Variants in ADAMTS17 observed in about 807,000 individuals in gnomAD.
ADAMTS17 encodes the protein ADAM metallopeptidase with thrombospondin type 1 motif 17.
A neutral mutation model predicts 141.5 loss-of-function variants in ADAMTS17; 113 were observed. The ratio of observed to expected loss-of-function variants is 0.80; its 90% CI spans 0.69 to 0.93. The LOEUF is 0.93. ADAMTS17 is among the 40% of genes least tolerant of loss of function. ADAMTS17 has a pLI of 0.00. For synonymous variants in ADAMTS17, 768 were observed against 630.6 expected, an observed-to-expected ratio of 1.22 and a Z score of -3.27; for missense variants, 1,659 against 1,517.9, an observed-to-expected ratio of 1.09 and a Z score of -1.54.
intron 8 of ADAMTS17, among the ~76,000 whole-genome samples, chr15:100,195,011 C>A (rs563432639): frequency 2.0e-5 from 3 of 152,388 alleles, no homozygotes; most frequent in Admixed American, 2.0e-4. Flanking sequence ...TGGAAAGGGA[C>A]ACAGCTGCCT....
At chr15:100,323,592 A>G (rs1025266170) in intron 3 of ADAMTS17, among the ~76,000 whole-genome samples, 4 of 152,346 alleles carry the variant, frequency 2.6e-5, no homozygotes, top group African/African-American at 9.6e-5. Flanking sequence ...AAAAAGCAAT[A>G]GGAATAAACC....
At chr15:100,040,693 A>C (rs1446697557) in intron 18 of ADAMTS17, among the ~76,000 whole-genome samples, 1 of 152,018 alleles carries the variant, frequency 6.6e-6, no homozygotes, top group African/African-American at 2.4e-5. Context: ...AAAAAAAAAA[A>C]ACCTCTGAAA....
chr15:100,088,521 C>A (rs1487650061), intron 15 of ADAMTS17, among the ~76,000 whole-genome samples: 1 of 151,964 alleles, frequency 6.6e-6, no homozygotes, highest in East Asian at 1.9e-4. Context: ...AAAAATAGCC[C>A]GCATCGCCAA....
intron 18 of ADAMTS17, among the ~76,000 whole-genome samples, chr15:100,010,037 A>T (rs915462257): frequency 2.6e-5 from 4 of 152,176 alleles, no homozygotes. Flanking sequence ...GCTGTTCTCA[A>T]GATAGCGAAT....
At chr15:100,254,739 C>T (rs2043268165) in intron 6 of ADAMTS17, among the ~76,000 whole-genome samples, 1 of 152,172 alleles carries the variant, frequency 6.6e-6, no homozygotes, top group Non-Finnish European at 1.5e-5. Flanking sequence ...AAAACTAATG[C>T]AGAAACAGAA....
chr15:100,024,002 G>C (rs1178222994), intron 18 of ADAMTS17, among the ~76,000 whole-genome samples: 1 of 152,192 alleles, frequency 6.6e-6, no homozygotes, highest in Non-Finnish European at 1.5e-5. Flanking sequence ...CTTTGATGTT[G>C]ATGTCATACC....
intron 18 of ADAMTS17, among the ~76,000 whole-genome samples, chr15:100,024,845 G>A (rs2061475224): frequency 1.3e-5 from 2 of 152,156 alleles, no homozygotes; most frequent in Non-Finnish European, 2.9e-5. Context: ...TGTTTCCTTA[G>A]CACGTGACCT....
chr15:100,060,185 C>T (rs905574302), intron 15 of ADAMTS17, among the ~76,000 whole-genome samples: 1 of 152,242 alleles, frequency 6.6e-6, no homozygotes, highest in Non-Finnish European at 1.5e-5. Context: ...CTCATTTCGC[C>T]TGGGCCAGAG....
In ADAMTS17 at chr15:100,210,503, G is replaced by A. The variant is rs1347938468; in HGVS notation, c.1076-11080C>T. ...ATCCGAGGTCAAACAGCAAATGAGGGGTGGAGCTGGGATTCAATCTCAGGT... is the reference window on the plus strand; with the variant it reads ...ATCCGAGGTCAAACAGCAAATGAGGAGTGGAGCTGGGATTCAATCTCAGGT... On this transcript the variant is annotated intron_variant, in intron 7 of 21. Transcript: ENST00000268070. Among the ~76,000 whole-genome samples the A allele has an allele frequency of 3.3e-5, 5 of 152,158 alleles. No individual in the cohort carries two copies. In the East Asian group the frequency reaches 9.6e-4, roughly 29 times the overall value.
intron 7 of ADAMTS17, among the ~76,000 whole-genome samples, chr15:100,227,732 C>T (rs914180934): frequency 6.6e-6 from 1 of 152,210 alleles, no homozygotes; most frequent in African/African-American, 2.4e-5. Context: ...TTTCCCTGGG[C>T]TACGTGGGAT....
At chr15:100,255,428 G>A (rs1290789996) in intron 6 of ADAMTS17, among the ~76,000 whole-genome samples, 1 of 152,138 alleles carries the variant, frequency 6.6e-6, no homozygotes, top group African/African-American at 2.4e-5. Flanking sequence ...ATCATAAAGA[G>A]ATGAAAAGGC....
chr15:100,339,428 G>C (rs996146965), intron 2 of ADAMTS17, among the ~76,000 whole-genome samples: 7 of 152,164 alleles, frequency 4.6e-5, no homozygotes, highest in African/African-American at 1.7e-4. Flanking sequence ...ATGTGACTTA[G>C]ACTTTAAACA....
At chr15:100,055,400 C>G (rs542457652) in intron 15 of ADAMTS17, among the ~76,000 whole-genome samples, 1 of 152,354 alleles carries the variant, frequency 6.6e-6, no homozygotes, top group Non-Finnish European at 1.5e-5. Flanking sequence ...TGGGTAGTCA[C>G]TGGCCTCAGT....
At chr15:100,302,532 ATGAGAATTCGAAATCCT>A (rs1372986046) in intron 3 of ADAMTS17, among the ~76,000 whole-genome samples, 1 of 152,200 alleles carries the variant, frequency 6.6e-6, no homozygotes, top group Non-Finnish European at 1.5e-5. Context: ...ACAGCAGTCT[ATGAGAATTCGAAATCCT>A]TGCCAACATT....
intron 8 of ADAMTS17, among the ~76,000 whole-genome samples, chr15:100,194,500 T>C (rs758101226): frequency 4.6e-5 from 7 of 152,292 alleles, no homozygotes; most frequent in Admixed American, 1.3e-4. Flanking sequence ...CACCTTAAAG[T>C]CACACTAAAG....
intron 11 of ADAMTS17, among the ~76,000 whole-genome samples, chr15:100,132,723 T>C (rs1596518291): frequency 6.6e-6 from 1 of 152,304 alleles, no homozygotes; most frequent in Non-Finnish European, 1.5e-5. Flanking sequence ...TTTCAACTCT[T>C]TCAATTCTTG....
chr15:100,225,446 G>A (rs567369424), intron 7 of ADAMTS17, among the ~76,000 whole-genome samples: 28 of 152,354 alleles, frequency 1.8e-4, no homozygotes, highest in South Asian at 2.1e-4. Context: ...AAGCAGTCAC[G>A]GCCTCTGTGC....
At chr15:100,031,678 A>G (rs1181519292) in intron 18 of ADAMTS17, among the ~76,000 whole-genome samples, 3 of 152,222 alleles carry the variant, frequency 2.0e-5, no homozygotes, top group African/African-American at 7.2e-5. Flanking sequence ...CGCTAACCAT[A>G]GAGATGAGCA....
At chr15:100,159,197 T>C (rs901926768) in intron 8 of ADAMTS17, among the ~76,000 whole-genome samples, 2 of 152,202 alleles carry the variant, frequency 1.3e-5, no homozygotes, top group South Asian at 2.1e-4. Flanking sequence ...TTATTCACAA[T>C]AGCCAAGATA....
Sources: gnomAD v4.1 joint callset for allele counts (sites outside exome capture counted in the v4.1 genomes callset) on GRCh38, gnomAD v4.1.1 for gene constraint, MANE v1.5 for transcripts, NCBI Gene and HGNC (gene_info 2026-07-23, HGNC 2026-07-21) for gene names.